Variants in BLM observed in about 807,000 individuals in gnomAD.
The protein encoded by BLM is recQ-like DNA helicase BLM.
In BLM, 95 loss-of-function variants were observed where a neutral mutation model predicts 135.3. The observed-to-expected ratio is 0.70, with a 90% CI of 0.59 to 0.83. The LOEUF (loss-of-function observed/expected upper bound fraction) is 0.83. Among genes scored for constraint, BLM ranks in the 40% least tolerant of loss-of-function variants. The pLI is 0.00. For synonymous variants in BLM, 520 were observed against 589.2 expected, an observed-to-expected ratio of 0.88 and a Z score of 1.70; for missense variants, 1,518 against 1,663.9, an observed-to-expected ratio of 0.91 and a Z score of 1.53.
chr15:90,718,871 C>G (rs574395995), intron 1 of BLM, among the ~76,000 whole-genome samples: 1 of 152,270 alleles, frequency 6.6e-6, no homozygotes, highest in South Asian at 2.1e-4. Context: ...GTGGTATTAC[C>G]TATGAGCAGG....
rs779179608 is a variant in BLM, at chr15:90,811,276, G to C, written c.3946G>C (p.Asp1316His). The C allele has an allele frequency of 6.2e-7, 1 of 1,614,140 alleles. No homozygotes were observed. Among genetic ancestry groups the C allele is most frequent in the Non-Finnish European group, 8.5e-7 (1 of 1,180,048 alleles). Residue 1316 changes from aspartate (D) to histidine (H), a missense_variant, in exon 21 of 22, where the codon GAC (aspartate) becomes CAC (histidine). This residue lies in a region of BLM where 153 missense variants were observed against 173.4 expected (regional missense o/e 0.88). Transcript: ENST00000355112. Reference protein sequence around the residue: ...GPGRSAAEELDEEIPVSSHYF... With the variant: ...GPGRSAAEELHEEIPVSSHYF... ...CGGAAGAAGTGCCGCTGAGGAGCTCGACGAGGAAATACCCGTATCTTCCCA... is the reference window on the plus strand; with the variant it reads ...CGGAAGAAGTGCCGCTGAGGAGCTCCACGAGGAAATACCCGTATCTTCCCA...
Position 90,750,049 on chromosome 15 carries a change from C to CA in BLM, c.782dup (p.His261GlnfsTer5). 4 of 1,614,060 alleles carry CA rather than the reference C, an allele frequency of 2.5e-6. No homozygotes were observed. Among genetic ancestry groups the CA allele is most frequent in the Non-Finnish European group, 3.4e-6 (4 of 1,179,978 alleles). ...TCAGGAAAGTGACTCTCTGAAAACTCATTTGGAAGATGAAAGAGGTAACAA... is the reference window on the plus strand; with the variant it reads ...TCAGGAAAGTGACTCTCTGAAAACTCAATTTGGAAGATGAAAGAGGTAACAA... On this transcript the variant is annotated frameshift_variant, in exon 3 of 22. Coordinates refer to ENST00000355112, the MANE Select transcript of BLM (RefSeq NM_000057.4). LOFTEE classifies it high-confidence loss of function.
intron 21 of BLM, among the ~76,000 whole-genome samples, chr15:90,812,578 T>G (rs1033204750): frequency 6.6e-6 from 1 of 152,194 alleles, no homozygotes; most frequent in Non-Finnish European, 1.5e-5. Flanking sequence ...TCCATCAGTC[T>G]TGAGAACTTG....
intron 12 of BLM, among the ~76,000 whole-genome samples, chr15:90,778,437 T>C (rs575799106): frequency 6.6e-6 from 1 of 152,316 alleles, no homozygotes; most frequent in African/African-American, 2.4e-5. Context: ...TTTTAGTATA[T>C]TCAGAATTGT....
intron 10 of BLM, 34 bp from the exon 11 acceptor site, chr15:90,769,099 G>T: frequency 6.8e-7 from 1 of 1,467,184 alleles, no homozygotes; most frequent in Non-Finnish European, 9.6e-7. Context: ...ATGTGTTTCA[G>T]TGTTTTTACA....
chr15:90,752,217 C>T (rs1471894007), intron 4 of BLM, among the ~76,000 whole-genome samples: 1 of 151,364 alleles, frequency 6.6e-6, no homozygotes, highest in Non-Finnish European at 1.5e-5. Context: ...GCTCTGTCAC[C>T]CAGGCTGGAG....
chr15:90,790,003 T>G (rs977794234), intron 14 of BLM, among the ~76,000 whole-genome samples: 2 of 104,890 alleles, frequency 1.9e-5, no homozygotes, highest in African/African-American at 4.6e-5. Flanking sequence ...TTTTTTTTTT[T>G]TTTTTTTTTT....
In BLM at chr15:90,756,486, A is replaced by G. The variant is rs530825138; in HGVS notation, c.1087+1548A>G. Among the ~76,000 whole-genome samples the G allele has an allele frequency of 5.3e-5, 8 of 152,352 alleles. No homozygotes were observed. In the South Asian group the frequency reaches 1.7e-3, roughly 32 times the overall value. ...GCGTTAAATAGTTACACACCGTCAT[A>G]GAATTAGCCTCAGAGCTAGGATCTG... is the stretch of plus-strand genomic sequence containing the variant. On this transcript the variant is annotated intron_variant, in intron 5 of 21. Coordinates refer to ENST00000355112, the MANE Select transcript of BLM (RefSeq NM_000057.4).
intron 8 of BLM, among the ~76,000 whole-genome samples, chr15:90,764,393 C>A (rs2151161715): frequency 6.6e-6 from 1 of 151,256 alleles, no homozygotes; most frequent in Middle Eastern, 3.4e-3. Context: ...GATCTGTCAC[C>A]CATGCTGGAA....
chr15:90,747,788 T>A (rs915843504), intron 2 of BLM: 2 of 332,950 alleles, frequency 6.0e-6, no homozygotes, highest in East Asian at 6.5e-5. Flanking sequence ...TTTTGGGGGG[T>A]TTTTTTGTTT....
intron 12 of BLM, among the ~76,000 whole-genome samples, chr15:90,778,263 ATTTG>A (rs1462760249): frequency 2.0e-5 from 3 of 152,212 alleles, no homozygotes; most frequent in South Asian, 2.1e-4. Context: ...AGTAAAAGTA[ATTTG>A]TTTGACTAAA....
intron 2 of BLM, 80 bp downstream of exon 2, chr15:90,747,570 C>G: frequency 1.1e-6 from 1 of 898,398 alleles, no homozygotes; most frequent in Non-Finnish European, 1.8e-6. Flanking sequence ...TCTTTAAACT[C>G]CCCCATTGTA....
intron 12 of BLM, among the ~76,000 whole-genome samples, chr15:90,778,590 C>T (rs1169858898): frequency 2.6e-5 from 4 of 152,150 alleles, no homozygotes; most frequent in Non-Finnish European, 4.4e-5. Context: ...ATAGATTTGC[C>T]TACTCTGGGT....
chr15:90,814,781 C>T (rs1897513088), intron 21 of BLM, among the ~76,000 whole-genome samples: 2 of 152,186 alleles, frequency 1.3e-5, no homozygotes, highest in African/African-American at 4.8e-5. Flanking sequence ...ACCTCAGCTC[C>T]TCTTGCAGGC....
In BLM at chr15:90,743,684, C is replaced by G. The variant is rs118134977; in HGVS notation, c.-4-3705C>G. ...CCTCCTGAGTAGCTGAGACTACAGG[C>G]ATGTTGGTGAACAATTTTCTTTTTG... On this transcript the variant is annotated intron_variant, in intron 1 of 21. Coordinates refer to ENST00000355112, the MANE Select transcript of BLM (RefSeq NM_000057.4). 4.1e-3 allele frequency among the ~76,000 whole-genome samples: 626 copies of G among 152,274 alleles called. 2 individuals are homozygous for G. The highest frequency in any genetic ancestry group is 6.8e-3 in the Non-Finnish European group (464 of 68,018).
Position 90,789,985 on chromosome 15 carries a change from G to GTGTTTTTTTTT in BLM, c.2824-662_2824-652dup, listed in dbSNP as rs1567056038. Among the ~76,000 whole-genome samples the GTGTTTTTTTTT allele has an allele frequency of 4.7e-4, 43 of 90,616 alleles. 1 individual carries two copies. The highest frequency in any genetic ancestry group is 2.3e-3 in the African/African-American group (42 of 18,398). 59.4% of individuals were successfully genotyped at this position (90,616 alleles called of 152,430 possible). On this transcript the variant is annotated intron_variant, in intron 14 of 21. Coordinates refer to ENST00000355112, the MANE Select transcript of BLM (RefSeq NM_000057.4). ...TAAGGTCTAAGATCCGCAGTCCCTGGTGTTTTTTTTTTTTTTTTTTTTTTT... is the reference window on the plus strand; with the variant it reads ...TAAGGTCTAAGATCCGCAGTCCCTGGTGTTTTTTTTTTGTTTTTTTTTTTTTTTTTTTTTTT...
At chr15:90,762,032 C>A (rs1338424533) in intron 7 of BLM, among the ~76,000 whole-genome samples, 1 of 151,928 alleles carries the variant, frequency 6.6e-6, no homozygotes, top group Admixed American at 6.6e-5. Flanking sequence ...GACTTAATAC[C>A]ACGGAGGTTT....
intron 19 of BLM, among the ~76,000 whole-genome samples, chr15:90,805,292 G>A (rs1897264069): frequency 6.6e-6 from 1 of 151,868 alleles, no homozygotes; most frequent in Admixed American, 6.6e-5. Flanking sequence ...TTTAATTATA[G>A]CTCTGTGCCT....
chr15:90,744,074 A>C (rs1895437986), intron 1 of BLM, among the ~76,000 whole-genome samples: 1 of 152,244 alleles, frequency 6.6e-6, no homozygotes, highest in South Asian at 2.1e-4. Context: ...GAAATCTCTT[A>C]TTAAAATATC....
Sources: gnomAD v4.1 joint callset for allele counts (sites outside exome capture counted in the v4.1 genomes callset) on GRCh38, gnomAD v4.1.1 for gene constraint, gnomAD v4.1.1 regional missense constraint, MANE v1.5 for transcripts, NCBI Gene and HGNC (gene_info 2026-07-23, HGNC 2026-07-21) for gene names.